SORCS2: variants seen among roughly 807,000 people sequenced by gnomAD.
SORCS2 encodes the protein VPS10 domain-containing receptor SorCS2.
Under a neutral mutation model 141.6 loss-of-function variants are expected in SORCS2, and 100 were observed. The ratio of observed to expected loss-of-function variants is 0.71; its 90% CI spans 0.60 to 0.83. SORCS2 has a LOEUF of 0.83. Ranked by LOEUF, SORCS2 falls within the 40% of genes least tolerant of loss-of-function variation. SORCS2 has a pLI of 0.00. For synonymous variants in SORCS2, 789 were observed against 676.9 expected, an observed-to-expected ratio of 1.17 and a Z score of -2.57; for missense variants, 1,646 against 1,560.2, an observed-to-expected ratio of 1.05 and a Z score of -0.93.
chr4:7,467,506 C>T (rs1262699480), intron 2 of SORCS2, among the ~76,000 whole-genome samples: 1 of 152,240 alleles, frequency 6.6e-6, no homozygotes, highest in Non-Finnish European at 1.5e-5. Flanking sequence ...CATAAGGTGA[C>T]AGAAGTCAGA....
At chr4:7,327,563 G>T (rs1560195252) in intron 1 of SORCS2, among the ~76,000 whole-genome samples, 1 of 152,234 alleles carries the variant, frequency 6.6e-6, no homozygotes, top group Non-Finnish European at 1.5e-5. Context: ...AGTCCCTGCT[G>T]GTCTCCCGGC....
intron 2 of SORCS2, among the ~76,000 whole-genome samples, chr4:7,518,934 A>G (rs1467740398): frequency 6.6e-6 from 1 of 152,046 alleles, no homozygotes; most frequent in African/African-American, 2.4e-5. Flanking sequence ...TCAGCCTCGC[A>G]CCTGCTGCCT....
At chr4:7,297,458 G>A (rs1717153894) in intron 1 of SORCS2, among the ~76,000 whole-genome samples, 1 of 152,096 alleles carries the variant, frequency 6.6e-6, no homozygotes, top group African/African-American at 2.4e-5. Flanking sequence ...GGGATCGGAA[G>A]AGCTCTGGGG....
chr4:7,284,906 T>G (rs571375439), intron 1 of SORCS2, among the ~76,000 whole-genome samples: 93 of 152,282 alleles, frequency 6.1e-4, no homozygotes, highest in African/African-American at 2.2e-3. Context: ...TCTTGGCTTG[T>G]GGCTGTGTCG....
intron 2 of SORCS2, among the ~76,000 whole-genome samples, chr4:7,422,976 C>G (rs1726186196): frequency 6.6e-6 from 1 of 151,704 alleles, no homozygotes; most frequent in Non-Finnish European, 1.5e-5. Flanking sequence ...GTACCCGCCC[C>G]AGCACCTGCC....
chr4:7,605,082 T>A (rs1343179884), intron 3 of SORCS2, among the ~76,000 whole-genome samples: 2 of 152,250 alleles, frequency 1.3e-5, no homozygotes, highest in African/African-American at 4.8e-5. Flanking sequence ...GAGGTCAGCA[T>A]GGGACTGGTT....
rs75402335 is a variant in SORCS2 at position 7,567,673 on chromosome 4, C to T, written c.648+36044C>T. On this transcript the variant is annotated intron_variant, in intron 3 of 26. Transcript: ENST00000507866. Reference sequence around the variant, plus strand: ...GTTTCTCTTTGGCGCCCTTTGCACACTGCCCTCTTTGGAAGAAGGTTGCTA... The same window carrying T: ...GTTTCTCTTTGGCGCCCTTTGCACATTGCCCTCTTTGGAAGAAGGTTGCTA... Among the ~76,000 whole-genome samples the T allele has an allele frequency of 5.4e-3, 823 of 152,278 alleles. 2 individuals carry two copies. The highest frequency in any genetic ancestry group is 0.013 in the Admixed American group (194 of 15,308).
chr4:7,417,565 C>T (rs1212900097), intron 2 of SORCS2, among the ~76,000 whole-genome samples: 1 of 152,170 alleles, frequency 6.6e-6, no homozygotes. Flanking sequence ...TGTTTCTAAT[C>T]CTGTTCTCCC....
At chr4:7,246,539 A>G (rs1359771166) in intron 1 of SORCS2, among the ~76,000 whole-genome samples, 1 of 152,146 alleles carries the variant, frequency 6.6e-6, no homozygotes, top group East Asian at 1.9e-4. Flanking sequence ...GAACCCACAG[A>G]TCTCACTCAG....
chr4:7,450,369 C>G (rs1395541936), intron 2 of SORCS2, among the ~76,000 whole-genome samples: 1 of 152,238 alleles, frequency 6.6e-6, no homozygotes, highest in Non-Finnish European at 1.5e-5. Flanking sequence ...CCTACACCTG[C>G]TCTCCAGCCC....
chr4:7,715,122 C>G, intron 16 of SORCS2, 61 bp from the exon 17 acceptor site: 1 of 1,597,424 alleles, frequency 6.3e-7, no homozygotes, highest in Non-Finnish European at 8.6e-7. Context: ...TCACCCCAAC[C>G]CTGGGTGACT....
At chr4:7,675,302 T>C (rs1356847485) in intron 8 of SORCS2, among the ~76,000 whole-genome samples, 1 of 152,196 alleles carries the variant, frequency 6.6e-6, no homozygotes, top group Non-Finnish European at 1.5e-5. Flanking sequence ...CTGGCTGCCC[T>C]TCAACCTCTG....
chr4:7,444,923 C>T (rs982896037), intron 2 of SORCS2, among the ~76,000 whole-genome samples: 2 of 152,186 alleles, frequency 1.3e-5, no homozygotes, highest in Non-Finnish European at 2.9e-5. Context: ...TGGCCTGGGC[C>T]ACTTGGACGA....
chr4:7,567,937 T>C (rs529667359), intron 3 of SORCS2, among the ~76,000 whole-genome samples: 7 of 152,370 alleles, frequency 4.6e-5, no homozygotes, highest in African/African-American at 1.7e-4. Context: ...GCACTTTCAG[T>C]TGGCTGCTGT....
chr4:7,325,627 T>C (rs562461433), intron 1 of SORCS2, among the ~76,000 whole-genome samples: 1 of 152,218 alleles, frequency 6.6e-6, no homozygotes, highest in Admixed American at 6.5e-5. Context: ...TGCTGCGAGG[T>C]AATGAGTTCA....
Position 7,502,628 on chromosome 4 carries a change from C to A in SORCS2, c.549-28902C>A, listed in dbSNP as rs116233877. ...GTCCCTTCCCATAACTCCCACTTCCCGTCTGTCTGGGACAGGAGTACACGT... is the reference window on the plus strand; with the variant it reads ...GTCCCTTCCCATAACTCCCACTTCCAGTCTGTCTGGGACAGGAGTACACGT... On this transcript the variant is annotated intron_variant, in intron 2 of 26. Transcript: ENST00000507866. Among the ~76,000 whole-genome samples, 419 of 152,312 alleles carry A rather than the reference C, an allele frequency of 2.8e-3. 6 individuals are homozygous for A. The highest frequency in any genetic ancestry group is 8.9e-3 in the African/African-American group (372 of 41,568).
chr4:7,471,124 C>G (rs1729949286), intron 2 of SORCS2, among the ~76,000 whole-genome samples: 1 of 152,216 alleles, frequency 6.6e-6, no homozygotes, highest in Non-Finnish European at 1.5e-5. Flanking sequence ...CACCCCAGGA[C>G]AGGGTTCCTG....
At chr4:7,597,311 G>A (rs1717337591) in intron 3 of SORCS2, among the ~76,000 whole-genome samples, 1 of 150,924 alleles carries the variant, frequency 6.6e-6, no homozygotes, top group African/African-American at 2.4e-5. Flanking sequence ...TGGGGCTCTT[G>A]CAATGGGGAA....
At chr4:7,622,312 A>G (rs16840725) in intron 3 of SORCS2, among the ~76,000 whole-genome samples, 2,773 of 152,316 alleles carry the variant, frequency 0.018, 76 homozygotes, top group African/African-American at 0.062. Flanking sequence ...GTGCATGGCC[A>G]GAATTCCTTG....
Sources: allele counts gnomAD v4.1 joint callset (sites outside exome capture counted in the v4.1 genomes callset), GRCh38; gene constraint gnomAD v4.1.1; transcripts MANE v1.5; gene names NCBI Gene and HGNC (gene_info 2026-07-23, HGNC 2026-07-21).